The following EPB41 variants were observed in gnomAD, a reference collection of about 807,000 sequenced individuals.
EPB41 encodes protein 4.1.
In EPB41, 65 loss-of-function variants were observed where a neutral mutation model predicts 108.0. The ratio of observed to expected loss-of-function variants is 0.60; its 90% confidence interval spans 0.49 to 0.74. The LOEUF is 0.74. Among genes scored for constraint, EPB41 ranks in the 30% least tolerant of loss-of-function variants. The pLI, the probability that EPB41 is intolerant of heterozygous loss-of-function variation, is 0.00. For missense variants in EPB41, 875 were observed against 1,037.0 expected (o/e 0.84, Z 2.15); for synonymous variants, 336 against 358.9 (o/e 0.94, Z 0.72).
Position 28,906,780 on chromosome 1 carries a change from CTTT to C in EPB41, c.-8+19581_-8+19583del, listed in dbSNP as rs780439196. 4.2e-3 allele frequency among the ~76,000 whole-genome samples: 611 copies of C among 144,008 alleles called. 4 individuals carry two copies. Among genetic ancestry groups the C allele is most frequent in the African/African-American group, 0.015 (588 of 39,174 alleles). The allele number at this position is 144,008 out of a possible 152,430, so 94.5% of individuals were successfully genotyped here. ...AATCACCTAACTTTTCTTTTTTTTT[CTTT>C]TTTTTTTTTTGAGACGGAGTCTCGC... is the stretch of plus-strand genomic sequence containing the variant. On this transcript the variant is annotated intron_variant, in intron 1 of 16. Coordinates refer to the EPB41 transcript ENST00000347529.
chr1:29,095,594 G>C (rs1419850946), intron 16 of EPB41, among the ~76,000 whole-genome samples: 1 of 152,078 alleles, frequency 6.6e-6, no homozygotes, highest in East Asian at 1.9e-4. Context: ...TACATAGTGA[G>C]ACCCTGTTTC....
intron 7 of EPB41, among the ~76,000 whole-genome samples, chr1:29,021,328 TAA>T (rs2096641926): frequency 6.6e-6 from 1 of 152,212 alleles, no homozygotes; most frequent in Admixed American, 6.5e-5. Flanking sequence ...CAAACTGTAC[TAA>T]GAGTCACTAT....
In EPB41 at chr1:29,109,137, G is replaced by T. The variant is rs911167690; in HGVS notation, c.2314-199G>T. 9.2e-5 allele frequency among the ~76,000 whole-genome samples: 14 copies of T among 151,852 alleles called. No homozygotes were observed. The East Asian group carries it at 2.7e-3, about 30-fold the overall frequency. ...TGCTTGAAACCGGGAAGCGGAGGTT[G>T]CAGTGAGCTGAGATCACGCCACTGC... is the stretch of plus-strand genomic sequence containing the variant. On this transcript the variant is annotated intron_variant, in intron 17 of 20. Transcript: ENST00000343067.
intron 1 of EPB41, among the ~76,000 whole-genome samples, chr1:28,895,969 A>G (rs1212617555): frequency 6.6e-6 from 1 of 152,226 alleles, no homozygotes; most frequent in African/African-American, 2.4e-5. Flanking sequence ...TGCTGCTGTA[A>G]GAGTTTTAAA....
intron 16 of EPB41, among the ~76,000 whole-genome samples, chr1:29,094,928 A>G (rs1014070941): frequency 1.3e-5 from 2 of 152,222 alleles, no homozygotes; most frequent in Non-Finnish European, 2.9e-5. Flanking sequence ...TAACCTATGC[A>G]TATTCTCCTG....
At chr1:29,067,938 ACT>A (rs1649179496) in intron 16 of EPB41, among the ~76,000 whole-genome samples, 2 of 152,096 alleles carry the variant, frequency 1.3e-5, no homozygotes, top group Admixed American at 1.3e-4. Flanking sequence ...TGAGACAATA[ACT>A]CTGCTTTCTA....
intron 17 of EPB41, among the ~76,000 whole-genome samples, chr1:29,103,770 C>T (rs565167118): frequency 6.6e-6 from 1 of 152,306 alleles, no homozygotes; most frequent in East Asian, 1.9e-4. Flanking sequence ...CAGGTTCAAG[C>T]AATTCTCCAG....
In EPB41 at chr1:28,887,726, G is replaced by A. The variant is rs1167670968; in HGVS notation, c.-8+516G>A. Reference sequence around the variant, plus strand: ...AACTGACTTTGAGTTTCCGGACCCAGGAACCGACCCGCCAGCTGGGGCGCC... The same window carrying A: ...AACTGACTTTGAGTTTCCGGACCCAAGAACCGACCCGCCAGCTGGGGCGCC... On this transcript the variant is annotated intron_variant, in intron 1 of 16. Transcript: ENST00000347529. The surrounding 1 kb of genome is among the most constrained non-coding windows in gnomAD (Gnocchi z 4.9). The A allele has an allele frequency of 1.0e-6, 1 of 981,202 alleles. No homozygotes were observed. Among genetic ancestry groups the A allele is most frequent in the South Asian group, 4.7e-5 (1 of 21,202 alleles). The allele number at this position is 981,202 out of a possible 1,614,324, so 60.8% of individuals were successfully genotyped here.
At position 28,887,632 on chromosome 1, in the gene EPB41, G is replaced by T. The variant is rs767918210; in HGVS notation, c.-8+422G>T. On this transcript the variant is annotated intron_variant, in intron 1 of 16. Coordinates refer to the EPB41 transcript ENST00000347529. The surrounding 1 kb of genome is among the most constrained non-coding windows in gnomAD (Gnocchi z 4.9). ...GCCGGGCCCGCAGCAGCGCTGGAGCGGGCTGGCGGCTAGCAGCGGGAGGGG... is the reference window on the plus strand; with the variant it reads ...GCCGGGCCCGCAGCAGCGCTGGAGCTGGCTGGCGGCTAGCAGCGGGAGGGG... 1.8e-4 allele frequency: 174 copies of T among 985,126 alleles called. No individual in the cohort carries two copies. The highest frequency in any genetic ancestry group is 2.1e-4 in the Non-Finnish European group (172 of 829,848). The allele number at this position is 985,126 out of a possible 1,614,324, so 61.0% of individuals were successfully genotyped here.
At chr1:28,899,022 G>A (rs1454931973) in intron 1 of EPB41, among the ~76,000 whole-genome samples, 1 of 152,112 alleles carries the variant, frequency 6.6e-6, no homozygotes. Context: ...TGCAACAGAC[G>A]CTAGCCACCA....
chr1:29,055,895 G>A (rs1573237097), intron 12 of EPB41, among the ~76,000 whole-genome samples: 1 of 121,850 alleles, frequency 8.2e-6, no homozygotes, highest in East Asian at 2.8e-4. Flanking sequence ...GCCACTGCAC[G>A]CCACGCCAGC....
intron 8 of EPB41, among the ~76,000 whole-genome samples, chr1:29,032,097 T>TA (rs76135314): frequency 0.22 from 27,871 of 127,896 alleles, 3,555 homozygotes; most frequent in East Asian, 0.47. Flanking sequence ...GACTCTGTCT[T>TA]AAAAAAAAAA....
At chr1:29,105,460 A>T (rs762830672) in intron 17 of EPB41, among the ~76,000 whole-genome samples, 14 of 150,592 alleles carry the variant, frequency 9.3e-5, no homozygotes, top group Non-Finnish European at 1.6e-4. Context: ...CTGGTCTTGA[A>T]CTCCTGACCT....
At chr1:28,923,071 C>T (rs1273251019) in intron 1 of EPB41, among the ~76,000 whole-genome samples, 1 of 150,394 alleles carries the variant, frequency 6.6e-6, no homozygotes, top group East Asian at 2.0e-4. Context: ...GTGTAATTAG[C>T]CTTAAACCTT....
intron 1 of EPB41, among the ~76,000 whole-genome samples, chr1:28,986,445 A>G (rs984441584): frequency 6.6e-6 from 1 of 152,202 alleles, no homozygotes; most frequent in Non-Finnish European, 1.5e-5. Context: ...GCTAGAAGCC[A>G]AGATGTTTGA....
At chr1:29,050,788 G>A (rs1394893358) in intron 11 of EPB41, among the ~76,000 whole-genome samples, 1 of 151,812 alleles carries the variant, frequency 6.6e-6, no homozygotes, top group Non-Finnish European at 1.5e-5. Flanking sequence ...CCATTCACCT[G>A]CCTCAGCCTC....
chr1:29,004,298 A>T (rs560846662), intron 4 of EPB41, among the ~76,000 whole-genome samples: 6 of 152,196 alleles, frequency 3.9e-5, no homozygotes, highest in Non-Finnish European at 8.8e-5. Context: ...TTAGGACTAC[A>T]TGCAATTCAA....
chr1:29,037,248 T>A (rs770960634), intron 10 of EPB41, among the ~76,000 whole-genome samples: 65 of 151,740 alleles, frequency 4.3e-4, no homozygotes, highest in Non-Finnish European at 8.7e-4. Flanking sequence ...CGCCTGGCTA[T>A]TTTTTGTATT....
intron 1 of EPB41, among the ~76,000 whole-genome samples, chr1:28,930,288 T>A (rs192680530): frequency 2.8e-4 from 42 of 148,418 alleles, no homozygotes; most frequent in Non-Finnish European, 5.7e-4. Flanking sequence ...TTCTGAGTAG[T>A]TGGAATTACA....
Sources: gnomAD v4.1 joint callset for allele counts (sites outside exome capture counted in the v4.1 genomes callset) on GRCh38, gnomAD v4.1.1 for gene constraint, Gnocchi (gnomAD v3.1) non-coding constraint, MANE v1.5 for transcripts, NCBI Gene and HGNC (gene_info 2026-07-23, HGNC 2026-07-21) for gene names.